SLC26A8: variants seen among roughly 807,000 people sequenced by gnomAD.
SLC26A8 encodes solute carrier family 26 member 8.
SLC26A8 carries 70 observed loss-of-function variants against 105.0 expected under a neutral mutation model. The observed-to-expected ratio is 0.67, with a 90% CI of 0.55 to 0.81. The LOEUF is 0.81. Among genes scored for constraint, SLC26A8 ranks in the 40% least tolerant of loss-of-function variants. SLC26A8 has a pLI of 0.00. For missense variants in SLC26A8, 998 were observed against 1,181.8 expected (o/e 0.84, Z 2.28); for synonymous variants, 415 against 438.3 (o/e 0.95, Z 0.66).
chr6:35,979,877 C>T (rs1259172242), intron 8 of SLC26A8, among the ~76,000 whole-genome samples: 4 of 152,190 alleles, frequency 2.6e-5, no homozygotes, highest in Non-Finnish European at 5.9e-5. Flanking sequence ...AAGCTCAAAG[C>T]AACGCTTAAA....
chr6:35,990,096 C>T (rs1168910472), intron 7 of SLC26A8, among the ~76,000 whole-genome samples: 1 of 151,786 alleles, frequency 6.6e-6, no homozygotes, highest in Non-Finnish European at 1.5e-5. Flanking sequence ...TGCCACCGCA[C>T]CCGGCTAGTT....
chr6:35,956,455 A>T (rs1245258481), intron 16 of SLC26A8, among the ~76,000 whole-genome samples: 1 of 150,782 alleles, frequency 6.6e-6, no homozygotes, highest in Non-Finnish European at 1.5e-5. Flanking sequence ...AAAAAATTAC[A>T]TGAGCAAGGC....
intron 10 of SLC26A8, among the ~76,000 whole-genome samples, chr6:35,973,943 T>C (rs1002373275): frequency 1.3e-5 from 2 of 152,244 alleles, no homozygotes; most frequent in African/African-American, 2.4e-5. Context: ...GATAGCTCTC[T>C]GACATTTTGT....
intron 7 of SLC26A8, among the ~76,000 whole-genome samples, chr6:35,986,024 C>CTTTTTT (rs34715373): frequency 5.6e-5 from 4 of 71,376 alleles, no homozygotes; most frequent in Non-Finnish European, 1.1e-4. Context: ...ACATATACAT[C>CTTTTTT]TTTTTTTTTT....
chr6:35,965,892 G>A (rs1376096036), intron 11 of SLC26A8, among the ~76,000 whole-genome samples: 2 of 150,990 alleles, frequency 1.3e-5, no homozygotes, highest in African/African-American at 4.9e-5. Context: ...TCAGGAGGCT[G>A]AGGCAGGAAA....
chr6:35,982,594 T>C (rs73729647), intron 7 of SLC26A8, among the ~76,000 whole-genome samples: 3,336 of 152,316 alleles, frequency 0.022, 135 homozygotes, highest in African/African-American at 0.076. Context: ...AAATACCTCT[T>C]TGCTCCTCTT....
chr6:35,976,603 C>T lies in SLC26A8; in HGVS notation c.1173+601G>A, dbSNP rs866099886. Among the ~76,000 whole-genome samples the T allele has an allele frequency of 1.2e-4, 18 of 144,134 alleles. No homozygotes were observed. The South Asian group carries it at 1.5e-3, about 12-fold the overall frequency. 94.6% of individuals were successfully genotyped at this position (144,134 alleles called of 152,430 possible). A position where few individuals can be genotyped will look rare whatever the true frequency, so the allele number is the denominator to read the frequency against. On this transcript the variant is annotated intron_variant, in intron 9 of 19. Transcript: ENST00000490799. ...TCGCCCAGACTGGAGTGCAGTGGCG[C>T]GGTCTCGGCTCGCTGCAAGTTCCGC... is the stretch of plus-strand genomic sequence containing the variant.
At chr6:36,016,681 T>G (rs1762002727) in intron 2 of SLC26A8, among the ~76,000 whole-genome samples, 2 of 152,328 alleles carry the variant, frequency 1.3e-5, no homozygotes, top group Middle Eastern at 6.8e-3. Context: ...ATTAAAAAAT[T>G]ATTCAACCAA....
At position 35,981,089 on chromosome 6, in the gene SLC26A8, T is replaced by C. The variant is rs1292254774; in HGVS notation, c.1025+1032A>G. On this transcript the variant is annotated intron_variant, in intron 8 of 19. Transcript: ENST00000490799. The surrounding 1 kb of genome is among the most constrained non-coding windows in gnomAD (Gnocchi z 4.0). Reference sequence around the variant, plus strand: ...TCACTCTTTACAGGATTCCTTATTATACAACGTGAGGAAATGGGCAATGCT... The same window carrying C: ...TCACTCTTTACAGGATTCCTTATTACACAACGTGAGGAAATGGGCAATGCT... Among the ~76,000 whole-genome samples the C allele has an allele frequency of 3.9e-5, 6 of 152,104 alleles. No homozygotes were observed. The highest frequency in any genetic ancestry group is 7.2e-5 in the African/African-American group (3 of 41,422).
intron 1 of SLC26A8, among the ~76,000 whole-genome samples, chr6:36,022,757 G>T (rs1454704174): frequency 6.6e-6 from 1 of 151,676 alleles, no homozygotes; most frequent in Non-Finnish European, 1.5e-5. Flanking sequence ...AATTTTCTTT[G>T]GAATTTCTCC....
intron 8 of SLC26A8, 46 bp downstream of exon 8, chr6:35,982,075 G>T (rs1162160958): frequency 6.4e-7 from 1 of 1,570,832 alleles, no homozygotes; most frequent in Admixed American, 1.7e-5. Flanking sequence ...GGCTAAGAGA[G>T]GGTATCAGAA....
chr6:35,969,871 A>C (rs1772720019), intron 10 of SLC26A8: 1 of 152,200 alleles, frequency 6.6e-6, no homozygotes, highest in African/African-American at 2.4e-5. Context: ...GCAGCTCTGG[A>C]TCCTATCCCA....
At chr6:35,965,476 T>C (rs112941324) in intron 11 of SLC26A8, among the ~76,000 whole-genome samples, 1 of 151,214 alleles carries the variant, frequency 6.6e-6, no homozygotes, top group East Asian at 2.0e-4. Context: ...GGTTGGGGGT[T>C]CGAGACCAGC....
intron 2 of SLC26A8, 128 bp downstream of exon 2, chr6:36,019,392 T>A: frequency 9.8e-7 from 1 of 1,016,944 alleles, no homozygotes; most frequent in South Asian, 2.0e-5. Context: ...TGAAGAAAAA[T>A]TGCACAATAA....
chr6:35,977,435 C>A, intron 8 of SLC26A8, 84 bp from the exon 9 acceptor site: 1 of 1,312,854 alleles, frequency 7.6e-7, no homozygotes, highest in Non-Finnish European at 1.0e-6. Flanking sequence ...ACTGGGCTGT[C>A]CTGATTCTTT....
Position 35,998,011 on chromosome 6 carries a change from C to T in SLC26A8, c.446-92G>A, listed in dbSNP as rs140546824. 3,563 of 1,187,202 alleles carry T rather than the reference C, an allele frequency of 3.0e-3. 13 individuals carry two copies. The highest frequency in any genetic ancestry group is 0.022 in the Middle Eastern group (74 of 3,430). 73.5% of individuals were successfully genotyped at this position (1,187,202 alleles called of 1,614,324 possible). A position where few individuals can be genotyped will look rare whatever the true frequency, so the allele number is the denominator to read the frequency against. Reference sequence around the variant, plus strand: ...AAGGTATGGTTGAATTCTGGATTGTCCTTCAACTGAATAACTTTTCTCATT... The same window carrying T: ...AAGGTATGGTTGAATTCTGGATTGTTCTTCAACTGAATAACTTTTCTCATT... On this transcript the variant is annotated intron_variant, in intron 4 of 19. Coordinates refer to ENST00000490799, the MANE Select transcript of SLC26A8 (RefSeq NM_052961.4).
rs1773283587 is a variant in SLC26A8, at chr6:35,981,932, CAG to C, written c.1025+187_1025+188del. 6.6e-6 allele frequency among the ~76,000 whole-genome samples: 1 copy of C among 152,324 alleles called. No homozygotes were observed. The highest frequency in any genetic ancestry group is 2.4e-5 in the African/African-American group (1 of 41,570). On this transcript the variant is annotated intron_variant, in intron 8 of 19. Transcript: ENST00000490799. The surrounding 1 kb of genome is among the most constrained non-coding windows in gnomAD (Gnocchi z 4.0). ...ATGGGTTCAACTATGAGAAGAGAGACAGAGGCTGACCAGAGAAGACACAAGGA... is the reference window on the plus strand; with the variant it reads ...ATGGGTTCAACTATGAGAAGAGAGACAGGCTGACCAGAGAAGACACAAGGA...
intron 5 of SLC26A8, among the ~76,000 whole-genome samples, chr6:35,994,497 C>T (rs944200825): frequency 3.3e-5 from 5 of 151,952 alleles, no homozygotes; most frequent in African/African-American, 7.2e-5. Context: ...CTATTTCTTG[C>T]GTGACTGGCT....
chr6:35,964,663 A>T (rs1772434577), intron 11 of SLC26A8, among the ~76,000 whole-genome samples: 1 of 151,528 alleles, frequency 6.6e-6, no homozygotes, highest in Non-Finnish European at 1.5e-5. Flanking sequence ...AAAAAATCTT[A>T]AATCTAGAAA....
Sources: gnomAD v4.1 joint callset for allele counts (sites outside exome capture counted in the v4.1 genomes callset) on GRCh38, gnomAD v4.1.1 for gene constraint, Gnocchi (gnomAD v3.1) non-coding constraint, MANE v1.5 for transcripts, NCBI Gene and HGNC (gene_info 2026-07-23, HGNC 2026-07-21) for gene names.